The following KCNJ15 variants were observed in gnomAD, a reference collection of about 807,000 sequenced individuals.
The protein encoded by KCNJ15 is ATP-sensitive inward rectifier potassium channel 15.
Under a neutral mutation model 23.0 loss-of-function variants are expected in KCNJ15, and 14 were observed. That is an observed-to-expected ratio of 0.61 (90% CI 0.40 to 0.95). The LOEUF (loss-of-function observed/expected upper bound fraction) is 0.95, where lower values mean the gene tolerates loss of function less well. Ranked by LOEUF, KCNJ15 falls within the 40% of genes least tolerant of loss-of-function variation. The pLI is 0.00. For synonymous variants in KCNJ15, 185 were observed against 183.2 expected (o/e 1.01, Z -0.08); for missense variants, 388 against 461.8 (o/e 0.84, Z 1.46).
At chr21:38,252,358 C>G (rs570898250), upstream of KCNJ15, among the ~76,000 whole-genome samples, 2 of 152,232 alleles carry the variant, frequency 1.3e-5, no homozygotes, top group African/African-American at 4.8e-5. Context: ...CTGTGGGCTT[C>G]TAGAATATTA....
intron 1 of KCNJ15, among the ~76,000 whole-genome samples, chr21:38,292,548 T>A (rs1185905382): frequency 6.6e-6 from 1 of 152,234 alleles, no homozygotes; most frequent in Non-Finnish European, 1.5e-5. Flanking sequence ...AGATAATTAG[T>A]CACCTTTTCT....
At chr21:38,273,332 A>C (rs1982305075) in intron 1 of KCNJ15, among the ~76,000 whole-genome samples, 1 of 152,190 alleles carries the variant, frequency 6.6e-6, no homozygotes, top group Non-Finnish European at 1.5e-5. Flanking sequence ...AAAGGGATGA[A>C]AGAGGTCCTA....
intron 1 of KCNJ15, chr21:38,238,757 G>T: frequency 2.7e-6 from 1 of 364,138 alleles, no homozygotes; most frequent in Non-Finnish European, 5.3e-6. Context: ...GGAAAAGAGG[G>T]GAGAAGAGTC....
intron 1 of KCNJ15, among the ~76,000 whole-genome samples, chr21:38,275,382 C>T (rs1982561090): frequency 6.6e-6 from 1 of 151,980 alleles, no homozygotes; most frequent in South Asian, 2.1e-4. Context: ...TCAGATACCC[C>T]AGTGTATCTG....
At chr21:38,262,237 C>A (rs193292789) in intron 1 of KCNJ15, among the ~76,000 whole-genome samples, 1 of 152,180 alleles carries the variant, frequency 6.6e-6, no homozygotes, top group South Asian at 2.1e-4. Flanking sequence ...TTCCTACCAA[C>A]GCCATTCTCA....
chr21:38,256,497 T>C (rs1311059863), upstream of KCNJ15, among the ~76,000 whole-genome samples: 1 of 151,774 alleles, frequency 6.6e-6, no homozygotes, highest in African/African-American at 2.4e-5. Flanking sequence ...ATAGGTATAG[T>C]CTGTATGGAT....
intron 1 of KCNJ15, among the ~76,000 whole-genome samples, chr21:38,288,361 G>A (rs1254611123): frequency 1.3e-5 from 2 of 151,984 alleles, no homozygotes; most frequent in African/African-American, 4.8e-5. Context: ...TTTAAATCAA[G>A]CACAAGTCGT....
chr21:38,292,954 G>A (rs138423959), intron 1 of KCNJ15, among the ~76,000 whole-genome samples: 2,305 of 143,614 alleles, frequency 0.016, 31 homozygotes, highest in Middle Eastern at 0.025. Flanking sequence ...GCGTGACAGA[G>A]TGAGATGCTG....
intron 1 of KCNJ15, among the ~76,000 whole-genome samples, chr21:38,286,178 G>C (rs138454306): frequency 0.019 from 2,860 of 152,286 alleles, 63 homozygotes; most frequent in African/African-American, 0.046. Context: ...GGGAGGCGGA[G>C]CTTGTAGTGA....
chr21:38,237,966 A>G (rs959619815), intron 1 of KCNJ15: 10 of 194,858 alleles, frequency 5.1e-5, no homozygotes, highest in African/African-American at 1.9e-4. Flanking sequence ...AACAAGAACA[A>G]CAGTAACAAT....
At chr21:38,295,984 A>G (rs1215836904) in intron 1 of KCNJ15, among the ~76,000 whole-genome samples, 1 of 152,318 alleles carries the variant, frequency 6.6e-6, no homozygotes, top group East Asian at 1.9e-4. Flanking sequence ...TTTAACTATA[A>G]GAGAGTAATA....
intron 1 of KCNJ15, among the ~76,000 whole-genome samples, chr21:38,295,334 CA>C (rs1985031858): frequency 6.6e-6 from 1 of 152,060 alleles, no homozygotes; most frequent in South Asian, 2.1e-4. Context: ...CATTGGTCTC[CA>C]ACAGTTGTTG....
chr21:38,275,568 TTG>T (rs1291946037), intron 1 of KCNJ15, among the ~76,000 whole-genome samples: 1 of 151,768 alleles, frequency 6.6e-6, no homozygotes, highest in African/African-American at 2.4e-5. Context: ...AAACTTTTTT[TTG>T]AAAAGATCAG....
chr21:38,261,881 T>A (rs1980939183), intron 1 of KCNJ15, among the ~76,000 whole-genome samples: 1 of 152,226 alleles, frequency 6.6e-6, no homozygotes, highest in Non-Finnish European at 1.5e-5. Context: ...AATATCTGTG[T>A]CTTTGGTGAG....
intron 1 of KCNJ15, 134 bp downstream of exon 1, chr21:38,257,319 C>T (rs1392674835): frequency 3.3e-5 from 5 of 152,120 alleles, no homozygotes; most frequent in African/African-American, 4.8e-5. Context: ...TTAAGACGCC[C>T]GTGCTTATCT....
At chr21:38,240,035 G>A (rs568646328) in intron 1 of KCNJ15, among the ~76,000 whole-genome samples, 2 of 152,274 alleles carry the variant, frequency 1.3e-5, no homozygotes, top group Non-Finnish European at 2.9e-5. Flanking sequence ...GTTTTGGAGT[G>A]TATGCCCTAT....
intron 1 of KCNJ15, among the ~76,000 whole-genome samples, chr21:38,281,481 TCA>T (rs1247988577): frequency 1.3e-5 from 2 of 152,194 alleles, no homozygotes; most frequent in Non-Finnish European, 2.9e-5. Flanking sequence ...CCATGTGTGC[TCA>T]GTGTTTAGCT....
upstream of KCNJ15, among the ~76,000 whole-genome samples, chr21:38,256,487 A>G (rs2836247): frequency 0.1 from 15,894 of 151,392 alleles, 2,312 homozygotes; most frequent in African/African-American, 0.33. Context: ...TATGTTTGAC[A>G]TAGGTATAGT....
intron 1 of KCNJ15, among the ~76,000 whole-genome samples, chr21:38,275,579 A>T (rs1250235763): frequency 1.3e-5 from 2 of 151,336 alleles, no homozygotes; most frequent in African/African-American, 4.9e-5. Context: ...TGAAAAGATC[A>T]GAGGCTCCCT....
Sources: gnomAD v4.1 joint callset for allele counts (sites outside exome capture counted in the v4.1 genomes callset) on GRCh38, gnomAD v4.1.1 for gene constraint, MANE v1.5 for transcripts, NCBI Gene and HGNC (gene_info 2026-07-23, HGNC 2026-07-21) for gene names.